ACSM5: variants seen among roughly 807,000 people sequenced by gnomAD.
The protein encoded by ACSM5 is acyl-CoA synthetase medium chain family member 5, also known as acyl-coenzyme A synthetase ACSM5, mitochondrial.
In ACSM5, 56 loss-of-function variants were observed where a neutral mutation model predicts 71.6. The ratio of observed to expected loss-of-function variants is 0.78; its 90% CI spans 0.63 to 0.98. The LOEUF (loss-of-function observed/expected upper bound fraction) is 0.98. Among genes scored for constraint, ACSM5 ranks in the 50% least tolerant of loss-of-function variants. ACSM5 has a pLI of 0.00. For synonymous variants in ACSM5, 285 were observed against 281.5 expected, an observed-to-expected ratio of 1.01 and a Z score of -0.12; for missense variants, 723 against 726.0, an observed-to-expected ratio of 1.00 and a Z score of 0.05.
chr16:20,410,780 A>G (rs1966846202), intron 1 of ACSM5, among the ~76,000 whole-genome samples: 1 of 152,082 alleles, frequency 6.6e-6, no homozygotes, highest in South Asian at 2.1e-4. Context: ...AAAAAATTAA[A>G]AAGACACTAA....
intron 7 of ACSM5, among the ~76,000 whole-genome samples, chr16:20,429,436 C>CA (rs1446821963): frequency 6.6e-6 from 1 of 152,076 alleles, no homozygotes. Flanking sequence ...CATATTATGC[C>CA]AAAACCTATT....
intron 8 of ACSM5, among the ~76,000 whole-genome samples, chr16:20,430,313 G>C (rs1436228368): frequency 6.6e-6 from 1 of 151,624 alleles, no homozygotes; most frequent in Non-Finnish European, 1.5e-5. Flanking sequence ...CCTCACTGCT[G>C]AAGGCATTGT....
rs369456434 is a variant in ACSM5 at position 20,427,759 on chromosome 16, G to A, written c.922-29G>A. The A allele has an allele frequency of 2.0e-6, 3 of 1,491,602 alleles. No individual in the cohort carries two copies. The East Asian group carries it at 6.8e-5, about 34-fold the overall frequency. The allele number at this position is 1,491,602 out of a possible 1,614,324, so 92.4% of individuals were successfully genotyped here. A position where few individuals can be genotyped will look rare whatever the true frequency, so the allele number is the denominator to read the frequency against. On this transcript the variant is annotated intron_variant, in intron 6 of 13. Transcript: ENST00000331849. ...ATGGTCCCACCCCAATGATTCTAAG[G>A]ACATCTTTCACCCTTTGTTTTTGTT...
rs1460090202 is a variant in ACSM5, at chr16:20,439,931, G to T, written c.1656+12G>T. The T allele has an allele frequency of 2.5e-6, 4 of 1,611,724 alleles. No individual in the cohort carries two copies. In the African/African-American group the frequency reaches 4.0e-5, roughly 16 times the overall value. On this transcript the variant is annotated intron_variant, in intron 13 of 13. Coordinates refer to ENST00000331849, the MANE Select transcript of ACSM5 (RefSeq NM_017888.3). ...AATACCCCAGGAAGGTAAATATCAG[G>T]GTTTCCAGGGCACAGTGATCTGGGA... is the stretch of plus-strand genomic sequence containing the variant.
intron 12 of ACSM5, among the ~76,000 whole-genome samples, chr16:20,439,476 A>G (rs565149184): frequency 1.3e-4 from 20 of 152,052 alleles, no homozygotes; most frequent in Non-Finnish European, 2.4e-4. Context: ...CTAGGAGTTT[A>G]TGAACCTCTT....
intron 5 of ACSM5, among the ~76,000 whole-genome samples, chr16:20,423,354 G>A (rs569264698): frequency 6.6e-6 from 1 of 152,310 alleles, no homozygotes; most frequent in Admixed American, 6.5e-5. Context: ...GGATGCTCCT[G>A]CTTCTCTGCC....
At chr16:20,415,351 T>C (rs571592245) in intron 2 of ACSM5, among the ~76,000 whole-genome samples, 1 of 152,272 alleles carries the variant, frequency 6.6e-6, no homozygotes, top group Admixed American at 6.5e-5. Context: ...CAGAGAGCTT[T>C]TTGAAGAGAT....
rs181053820 is a variant in ACSM5, at chr16:20,430,982, G to C, written c.1126-11G>C. 1 of 1,607,886 alleles carries C rather than the reference G, an allele frequency of 6.2e-7. No individual in the cohort carries two copies. The highest frequency in any genetic ancestry group is 8.5e-7 in the Non-Finnish European group (1 of 1,176,696). On this transcript the variant is annotated splice_polypyrimidine_tract_variant and intron_variant, in intron 8 of 13. Transcript: ENST00000331849. The stretch of plus-strand genomic sequence containing the variant: ...AAAGGCTCTTCTTTATCTGTACTGC[G>C]TTCTCCCCAGGTTGTCATCTGTGCC...
At chr16:20,432,137 C>T (rs1433180238) in intron 10 of ACSM5, among the ~76,000 whole-genome samples, 2 of 151,960 alleles carry the variant, frequency 1.3e-5, no homozygotes, top group South Asian at 2.1e-4. Context: ...GTGTTTATGT[C>T]GGGCTTTCTT....
intron 6 of ACSM5, 99 bp downstream of exon 6, chr16:20,424,168 A>T: frequency 6.9e-7 from 1 of 1,447,968 alleles, no homozygotes; most frequent in Non-Finnish European, 9.2e-7. Flanking sequence ...TAAATCAGTG[A>T]ATTTAAGGCT....
At chr16:20,419,177 C>T (rs768814228) in intron 3 of ACSM5, 51 bp from the exon 4 acceptor site, 6 of 1,586,682 alleles carry the variant, frequency 3.8e-6, no homozygotes, top group East Asian at 2.2e-5. Flanking sequence ...TACCTCTATA[C>T]CCAAGGCCTT....
At chr16:20,421,729 A>G (rs577094538) in intron 5 of ACSM5, among the ~76,000 whole-genome samples, 119 of 150,338 alleles carry the variant, frequency 7.9e-4, no homozygotes, top group African/African-American at 2.7e-3. Context: ...TACCCTTTTA[A>G]CCATTTTAAG....
intron 6 of ACSM5, 105 bp downstream of exon 6, chr16:20,424,174 A>T: frequency 7.0e-7 from 1 of 1,430,582 alleles, no homozygotes; most frequent in Non-Finnish European, 9.3e-7. Flanking sequence ...AGTGAATTTA[A>T]GGCTTCTTTG....
intron 5 of ACSM5, among the ~76,000 whole-genome samples, chr16:20,423,050 G>A (rs1248549716): frequency 6.6e-6 from 1 of 152,218 alleles, no homozygotes; most frequent in Admixed American, 6.5e-5. Context: ...ACACATGTCT[G>A]AAGTTAATGA....
At position 20,440,589 on chromosome 16, in the gene ACSM5, G is replaced by T; in HGVS notation, c.*162G>T. ...CAGGATCACTGGGCAATGCTGGAAAGAGCAAAAGAATATCATTGGCCCTGA... is the reference window on the plus strand; with the variant it reads ...CAGGATCACTGGGCAATGCTGGAAATAGCAAAAGAATATCATTGGCCCTGA... On this transcript the variant is annotated 3_prime_UTR_variant, in exon 14 of 14. Coordinates refer to ENST00000331849, the MANE Select transcript of ACSM5 (RefSeq NM_017888.3). 1 of 639,966 alleles carries T rather than the reference G, an allele frequency of 1.6e-6. No individual in the cohort carries two copies. Among genetic ancestry groups the T allele is most frequent in the Non-Finnish European group, 2.8e-6 (1 of 358,518 alleles). The allele number at this position is 639,966 out of a possible 1,614,324, so 39.6% of individuals were successfully genotyped here.
intron 7 of ACSM5, among the ~76,000 whole-genome samples, chr16:20,428,553 T>G (rs1326028659): frequency 6.6e-6 from 1 of 152,208 alleles, no homozygotes; most frequent in East Asian, 1.9e-4. Context: ...CTCCCTCTTT[T>G]GTCCTCCCGT....
chr16:20,420,728 T>C (rs1341485385), intron 4 of ACSM5, among the ~76,000 whole-genome samples: 2 of 152,202 alleles, frequency 1.3e-5, no homozygotes, highest in African/African-American at 2.4e-5. Flanking sequence ...TTAAAGATTC[T>C]GATTTTATTT....
intron 2 of ACSM5, among the ~76,000 whole-genome samples, chr16:20,417,820 A>G (rs921208549): frequency 2.6e-5 from 4 of 152,238 alleles, no homozygotes; most frequent in African/African-American, 9.6e-5. Flanking sequence ...TAAAGAAACT[A>G]TGGAAGGATA....
At chr16:20,420,326 C>T (rs576985035) in intron 4 of ACSM5, among the ~76,000 whole-genome samples, 3 of 152,242 alleles carry the variant, frequency 2.0e-5, no homozygotes, top group South Asian at 4.2e-4. Context: ...TAGGGCCAGG[C>T]GCCATGGCTC....
Sources: allele counts gnomAD v4.1 joint callset (sites outside exome capture counted in the v4.1 genomes callset), GRCh38; gene constraint gnomAD v4.1.1; transcripts MANE v1.5; gene names NCBI Gene and HGNC (gene_info 2026-07-23, HGNC 2026-07-21).